Variants in SGSM1 observed in about 807,000 individuals in gnomAD.
SGSM1 encodes the protein small G protein signaling modulator 1, also known as RUN and TBC1 domain containing 2.
SGSM1 carries 73 observed loss-of-function variants against 133.8 expected under a neutral mutation model. The observed-to-expected ratio is 0.55, with a 90% CI of 0.45 to 0.66. The LOEUF is 0.66. Ranked by LOEUF, SGSM1 falls within the 30% of genes least tolerant of loss-of-function variation. The probability of loss-of-function intolerance (pLI) is 0.00; values close to 1 mark genes in which losing one functional copy is unlikely to be tolerated. For synonymous variants in SGSM1, 563 were observed against 573.0 expected, an observed-to-expected ratio of 0.98 and a Z score of 0.25; for missense variants, 1,213 against 1,448.1, an observed-to-expected ratio of 0.84 and a Z score of 2.64.
At chr22:24,864,310 A>G (rs1024296033) in intron 9 of SGSM1, among the ~76,000 whole-genome samples, 1 of 152,214 alleles carries the variant, frequency 6.6e-6, no homozygotes, top group African/African-American at 2.4e-5. Flanking sequence ...AATTCTGCTC[A>G]TAGGGATCTA....
chr22:24,847,934 C>T, intron 4 of SGSM1, 138 bp downstream of exon 4: 1 of 1,217,950 alleles, frequency 8.2e-7, no homozygotes, highest in Middle Eastern at 2.8e-4. Context: ...AGACTCTTTC[C>T]CACCCCAGGG....
chr22:24,869,088 A>G (rs1277803966), intron 12 of SGSM1, among the ~76,000 whole-genome samples: 1 of 152,198 alleles, frequency 6.6e-6, no homozygotes, highest in African/African-American at 2.4e-5. Flanking sequence ...GGTAGTGGCA[A>G]TGGCATAGGC....
At chr22:24,874,054 C>T (rs116783298) in intron 12 of SGSM1, among the ~76,000 whole-genome samples, 1,742 of 152,222 alleles carry the variant, frequency 0.011, 36 homozygotes, top group African/African-American at 0.039. Flanking sequence ...AGACTAGATA[C>T]GTCTGTTACT....
At chr22:24,883,296 G>T (rs772886122) in intron 14 of SGSM1, among the ~76,000 whole-genome samples, 13 of 152,162 alleles carry the variant, frequency 8.5e-5, no homozygotes, top group Admixed American at 1.3e-4. Flanking sequence ...AAACATGGGG[G>T]TGCAGATATA....
chr22:24,823,888 C>T (rs147775066), intron 2 of SGSM1, among the ~76,000 whole-genome samples: 10 of 152,288 alleles, frequency 6.6e-5, no homozygotes, highest in East Asian at 5.8e-4. Context: ...CCAGCCTGGG[C>T]AACACACTCT....
intron 1 of SGSM1, 35 bp from the exon 2 acceptor site, chr22:24,806,406 C>A: frequency 6.6e-7 from 1 of 1,521,950 alleles, no homozygotes; most frequent in Non-Finnish European, 8.8e-7. Context: ...CACCCTCTCT[C>A]GGCTGACCCG....
chr22:24,845,597 A>G (rs1462826324), intron 3 of SGSM1, among the ~76,000 whole-genome samples: 1 of 152,176 alleles, frequency 6.6e-6, no homozygotes, highest in Non-Finnish European at 1.5e-5. Flanking sequence ...GTCTTAATTT[A>G]ATAATTGGAG....
intron 2 of SGSM1, among the ~76,000 whole-genome samples, chr22:24,843,222 G>T (rs1929907811): frequency 6.6e-6 from 1 of 152,112 alleles, no homozygotes; most frequent in Non-Finnish European, 1.5e-5. Context: ...TGGAGTTGGT[G>T]GAGCACTGAA....
intron 2 of SGSM1, among the ~76,000 whole-genome samples, chr22:24,843,032 GA>G (rs56754766): frequency 3.0e-4 from 45 of 148,196 alleles, no homozygotes; most frequent in East Asian, 1.8e-3. Context: ...CATGATGGGA[GA>G]AAAAAAAAAG....
At chr22:24,907,635 G>A (rs577998048) in intron 21 of SGSM1, among the ~76,000 whole-genome samples, 16 of 151,832 alleles carry the variant, frequency 1.1e-4, no homozygotes, top group African/African-American at 3.9e-4. Context: ...TTTTTAAAAG[G>A]ATATGTTGGC....
At chr22:24,904,319 G>A (rs537313929) in intron 20 of SGSM1, among the ~76,000 whole-genome samples, 4 of 152,124 alleles carry the variant, frequency 2.6e-5, no homozygotes, top group South Asian at 2.1e-4. Flanking sequence ...AGTGTCTCAC[G>A]CCTGTAATCC....
intron 2 of SGSM1, among the ~76,000 whole-genome samples, chr22:24,838,521 T>C (rs905277472): frequency 2.6e-5 from 4 of 152,224 alleles, no homozygotes; most frequent in Admixed American, 6.5e-5. Flanking sequence ...AAGGACCTTC[T>C]CTGAGGAAGG....
chr22:24,843,902 A>C (rs1929941033), intron 2 of SGSM1: 1 of 152,154 alleles, frequency 6.6e-6, no homozygotes, highest in Non-Finnish European at 1.5e-5. Context: ...CTCCCTGGGT[A>C]AGTGCTTTCA....
At chr22:24,822,140 G>C (rs1928516136) in intron 2 of SGSM1, among the ~76,000 whole-genome samples, 1 of 136,508 alleles carries the variant, frequency 7.3e-6, no homozygotes, top group South Asian at 2.3e-4. Flanking sequence ...GCCCAGGCTG[G>C]AGTGCAGTGG....
chr22:24,867,767 G>A (rs768305506), intron 10 of SGSM1, among the ~76,000 whole-genome samples: 6 of 152,150 alleles, frequency 3.9e-5, no homozygotes, highest in African/African-American at 1.4e-4. Flanking sequence ...AACAAAACAC[G>A]GTGATTTAAG....
At chr22:24,920,450 C>G (rs1933965037) in intron 24 of SGSM1, among the ~76,000 whole-genome samples, 1 of 152,188 alleles carries the variant, frequency 6.6e-6, no homozygotes, top group Non-Finnish European at 1.5e-5. Flanking sequence ...CTCCTGGGAG[C>G]TGTGTGACTT....
chr22:24,900,955 C>T (rs1231851332), intron 19 of SGSM1, among the ~76,000 whole-genome samples: 3 of 152,154 alleles, frequency 2.0e-5, no homozygotes, highest in African/African-American at 7.2e-5. Context: ...TTTCTAGTGC[C>T]AGGGAAATAA....
At chr22:24,825,820 G>A (rs1928769727) in intron 2 of SGSM1, among the ~76,000 whole-genome samples, 2 of 152,168 alleles carry the variant, frequency 1.3e-5, no homozygotes, top group South Asian at 4.1e-4. Context: ...GGAGGTAAGC[G>A]TCAGGGAGCC....
chr22:24,840,544 TG>T (rs1228373362), intron 2 of SGSM1, among the ~76,000 whole-genome samples: 1 of 151,834 alleles, frequency 6.6e-6, no homozygotes, highest in Admixed American at 6.6e-5. Flanking sequence ...GGTTTCACCA[TG>T]TTGGCCAGGC....
Sources: allele counts gnomAD v4.1 joint callset (sites outside exome capture counted in the v4.1 genomes callset), GRCh38; gene constraint gnomAD v4.1.1; transcripts MANE v1.5; gene names NCBI Gene and HGNC (gene_info 2026-07-23, HGNC 2026-07-21).